Variants in CYSLTR2 observed in about 807,000 individuals in gnomAD.
CYSLTR2 encodes the protein cysteinyl leukotriene receptor 2.
For synonymous variants in CYSLTR2, 179 were observed against 160.8 expected (o/e 1.11, Z -0.86); for missense variants, 398 against 411.9 (o/e 0.97, Z 0.29).
chr13:48,686,318 A>G (rs2138916935), intron 1 of CYSLTR2, among the ~76,000 whole-genome samples: 1 of 152,338 alleles, frequency 6.6e-6, no homozygotes, highest in East Asian at 1.9e-4. Context: ...AAAGGCCATT[A>G]GAGACATGGC....
At chr13:48,687,443 TATC>T (rs1429122366) in intron 1 of CYSLTR2, among the ~76,000 whole-genome samples, 7 of 152,142 alleles carry the variant, frequency 4.6e-5, no homozygotes, top group African/African-American at 1.7e-4. Context: ...ATCTATCGAT[TATC>T]ATCTATCAAT....
Position 48,707,454 on chromosome 13 carries a change from C to T in CYSLTR2, c.637C>T (p.Pro213Ser). 3.1e-6 allele frequency: 5 copies of T among 1,613,916 alleles called. No homozygotes were observed. The highest frequency in any genetic ancestry group is 4.2e-6 in the Non-Finnish European group (5 of 1,180,020). Residue 213 changes from proline to serine, a missense_variant, in exon 5 of 5, where the codon CCA (proline) becomes TCA (serine). By Grantham distance (74) the Pro-to-Ser change is moderately conservative. Coordinates refer to ENST00000682523, the MANE Select transcript of CYSLTR2 (RefSeq NM_001308476.3). The stretch of plus-strand genomic sequence containing the variant: ...TGCCTTGGTGGTGGGCTGCCTGCTG[C>T]CATTTTTCACACTCAGCATCTGTTA... Reference protein sequence around the residue: ...YIALVVGCLLPFFTLSICYLL... With the variant: ...YIALVVGCLLSFFTLSICYLL...
At chr13:48,700,311 C>G (rs944859480) in intron 4 of CYSLTR2, among the ~76,000 whole-genome samples, 4 of 152,146 alleles carry the variant, frequency 2.6e-5, no homozygotes, top group Non-Finnish European at 5.9e-5. Flanking sequence ...CATCAAAAAG[C>G]TTATCCACCA....
At chr13:48,699,739 T>C (rs964414309) in intron 4 of CYSLTR2, among the ~76,000 whole-genome samples, 1 of 152,072 alleles carries the variant, frequency 6.6e-6, no homozygotes, top group Non-Finnish European at 1.5e-5. Context: ...AGCTGGCTTT[T>C]TGAAAAGATC....
intron 4 of CYSLTR2, among the ~76,000 whole-genome samples, chr13:48,704,995 G>A (rs1414923961): frequency 6.6e-6 from 1 of 152,144 alleles, no homozygotes; most frequent in Non-Finnish European, 1.5e-5. Flanking sequence ...CTATACCTTT[G>A]CTGAGTTTTT....
chr13:48,705,535 G>T (rs890787798), intron 4 of CYSLTR2, among the ~76,000 whole-genome samples: 2 of 150,094 alleles, frequency 1.3e-5, no homozygotes, highest in African/African-American at 4.9e-5. Flanking sequence ...TTATTTATCT[G>T]TAATGTTTTT....
intron 4 of CYSLTR2, among the ~76,000 whole-genome samples, chr13:48,704,252 T>C (rs138203115): frequency 1.6e-3 from 251 of 152,322 alleles, no homozygotes; most frequent in African/African-American, 5.5e-3. Flanking sequence ...TGGCCAGGCA[T>C]GGTGGCCCAC....
chr13:48,699,507 C>A (rs878911977), intron 4 of CYSLTR2, among the ~76,000 whole-genome samples: 8 of 152,068 alleles, frequency 5.3e-5, no homozygotes, highest in Non-Finnish European at 8.8e-5. Context: ...ATCTCTGGGA[C>A]AATTTAAAGC....
At position 48,707,266 on chromosome 13, in the gene CYSLTR2, C is replaced by T. The variant is rs201886883; in HGVS notation, c.449C>T (p.Thr150Ile). ...CACCCCTTTCGGCTTCTGCATGTCACCAGCATCAGGAGTGCCTGGATCCTC... is the reference window on the plus strand; with the variant it reads ...CACCCCTTTCGGCTTCTGCATGTCATCAGCATCAGGAGTGCCTGGATCCTC... ...MVHPFRLLHV[T>I]SIRSAWILCG... is the part of the protein sequence containing the mutation. The change falls in exon 5 of 5, where the codon ACC becomes ATC. Residue 150 changes from threonine (T) to isoleucine (I), a missense_variant. Transcript: ENST00000682523. The T allele has an allele frequency of 8.1e-6, 13 of 1,614,058 alleles. No individual in the cohort carries two copies. The highest frequency in any genetic ancestry group is 1.1e-5 in the Non-Finnish European group (13 of 1,180,034).
chr13:48,696,967 C>G (rs985187003), intron 4 of CYSLTR2, among the ~76,000 whole-genome samples: 2 of 152,170 alleles, frequency 1.3e-5, no homozygotes, highest in Non-Finnish European at 2.9e-5. Context: ...TGGGGAGGGG[C>G]ATCCACCATT....
chr13:48,672,027 C>G lies in CYSLTR2; in HGVS notation c.-266+18010C>G, dbSNP rs181723762. 1.0e-3 allele frequency among the ~76,000 whole-genome samples: 155 copies of G among 152,014 alleles called. 2 individuals carry two copies. The East Asian group carries it at 0.027, about 27-fold the overall frequency. ...TTAGTCTTGGGAGGGTGTATGTGTC[C>G]AGGAATTTATCCATTTCTTCTAGAT... is the stretch of plus-strand genomic sequence containing the variant. On this transcript the variant is annotated intron_variant, in intron 1 of 4. Coordinates refer to ENST00000682523, the MANE Select transcript of CYSLTR2 (RefSeq NM_001308476.3).
chr13:48,690,023 A>G (rs1185844521), intron 1 of CYSLTR2, among the ~76,000 whole-genome samples: 1 of 152,022 alleles, frequency 6.6e-6, no homozygotes, highest in Non-Finnish European at 1.5e-5. Flanking sequence ...AGCAATTGTG[A>G]CTGGGAGTTC....
Position 48,706,933 on chromosome 13 carries a change from A to G in CYSLTR2, c.116A>G (p.Glu39Gly), listed in dbSNP as rs1373240793. Residue 39 changes from glutamate to glycine, a missense_variant, in exon 5 of 5, where the codon GAA becomes GGA. Physicochemically the swap from Glu to Gly is moderately conservative, Grantham distance 98 (BLOSUM62 -2). Transcript: ENST00000682523. ...RNCTIENFKR[E>G]FFPIVYLIIF... is the part of the protein sequence containing the mutation. ...TGCACAATTGAAAACTTCAAGAGAG[A>G]ATTTTTCCCAATTGTATATCTGATA... The G allele has an allele frequency of 6.2e-7, 1 of 1,614,202 alleles. No individual in the cohort carries two copies. The highest frequency in any genetic ancestry group is 1.3e-5 in the African/African-American group (1 of 75,056).
chr13:48,659,390 T>A (rs1953073780), intron 1 of CYSLTR2, among the ~76,000 whole-genome samples: 1 of 152,202 alleles, frequency 6.6e-6, no homozygotes, highest in Admixed American at 6.6e-5. Context: ...GAGCTAGGAT[T>A]TGGGTTCAGT....
At chr13:48,694,611 C>A (rs139390280) in intron 3 of CYSLTR2, 20 of 152,306 alleles carry the variant, frequency 1.3e-4, no homozygotes, top group African/African-American at 3.8e-4. Context: ...AGGGTACTTG[C>A]TTAAGGCAGC....
chr13:48,669,386 T>C (rs910968788), intron 1 of CYSLTR2, among the ~76,000 whole-genome samples: 4 of 152,048 alleles, frequency 2.6e-5, no homozygotes, highest in African/African-American at 9.7e-5. Context: ...CATCAACCCA[T>C]CCTCTACATT....
At chr13:48,677,710 C>A (rs1953637164) in intron 1 of CYSLTR2, among the ~76,000 whole-genome samples, 1 of 152,124 alleles carries the variant, frequency 6.6e-6, no homozygotes, top group African/African-American at 2.4e-5. Context: ...CAGCAACAAA[C>A]CTTTTGCAGT....
intron 4 of CYSLTR2, among the ~76,000 whole-genome samples, chr13:48,704,637 T>C (rs551582858): frequency 6.6e-6 from 1 of 152,276 alleles, no homozygotes; most frequent in South Asian, 2.1e-4. Context: ...TCTCACAAAT[T>C]TATATTTTCA....
chr13:48,658,296 T>C (rs1294808782), intron 1 of CYSLTR2, among the ~76,000 whole-genome samples: 1 of 152,176 alleles, frequency 6.6e-6, no homozygotes, highest in African/African-American at 2.4e-5. Flanking sequence ...GACTTTAGAT[T>C]TGAATTTCAG....
Sources: allele counts gnomAD v4.1 joint callset (sites outside exome capture counted in the v4.1 genomes callset), GRCh38; gene constraint gnomAD v4.1.1; transcripts MANE v1.5; gene names NCBI Gene and HGNC (gene_info 2026-07-23, HGNC 2026-07-21).